The following AP4E1 variants were observed in gnomAD, a reference collection of about 807,000 sequenced individuals.
The protein encoded by AP4E1 is AP-4 complex subunit epsilon-1.
A neutral mutation model predicts 128.2 loss-of-function variants in AP4E1; 56 were observed. The observed-to-expected ratio is 0.44, with a 90% CI of 0.35 to 0.55. AP4E1 has a LOEUF of 0.55. AP4E1 is among the 20% of genes least tolerant of loss of function. The pLI is 0.00. For missense variants in AP4E1, 1,324 were observed against 1,307.7 expected, an observed-to-expected ratio of 1.01 and a Z score of -0.19; for synonymous variants, 484 against 473.1, an observed-to-expected ratio of 1.02 and a Z score of -0.30.
chr15:50,993,056 GA>G (rs1183186962), intron 16 of AP4E1, among the ~76,000 whole-genome samples: 2 of 152,110 alleles, frequency 1.3e-5, no homozygotes, highest in Middle Eastern at 3.2e-3. Flanking sequence ...GTCAGTGGAG[GA>G]AAGAAACTGA....
chr15:50,975,969 AG>A (rs2064544912), intron 15 of AP4E1, among the ~76,000 whole-genome samples: 7 of 152,084 alleles, frequency 4.6e-5, no homozygotes, highest in African/African-American at 7.2e-5. Flanking sequence ...AGAGAGAGAG[AG>A]AGAGAGAGAG....
In AP4E1 at chr15:50,915,655, A is replaced by G. The variant is rs140689116; in HGVS notation, c.346+84A>G. 3.7e-5 allele frequency: 54 copies of G among 1,468,724 alleles called. No individual in the cohort carries two copies. In the African/African-American group the frequency reaches 6.3e-4, roughly 17 times the overall value. The allele number at this position is 1,468,724 out of a possible 1,614,324, so 91.0% of individuals were successfully genotyped here. The stretch of plus-strand genomic sequence containing the variant: ...ATACAAAATGAATGATGGCATGTAT[A>G]TAGTATGTTTTTAGAATACTGTATT... On this transcript the variant is annotated intron_variant, in intron 3 of 20. Transcript: ENST00000261842.
intron 15 of AP4E1, among the ~76,000 whole-genome samples, chr15:50,978,722 T>C (rs1284766409): frequency 6.6e-6 from 1 of 152,236 alleles, no homozygotes; most frequent in Non-Finnish European, 1.5e-5. Flanking sequence ...GCATATTCAC[T>C]GAGTTGCAAG....
intron 15 of AP4E1, among the ~76,000 whole-genome samples, chr15:50,980,303 G>C (rs1414459083): frequency 1.3e-5 from 2 of 152,188 alleles, no homozygotes; most frequent in African/African-American, 4.8e-5. Context: ...CTTCATGCCT[G>C]AGGGCTTTAT....
chr15:50,958,815 C>G (rs758532187), intron 14 of AP4E1, 21 bp downstream of exon 14: 12 of 1,612,818 alleles, frequency 7.4e-6, no homozygotes, highest in Non-Finnish European at 1.0e-5. Flanking sequence ...GGTGTTCCAT[C>G]TTTTTAAAAA....
intron 8 of AP4E1, among the ~76,000 whole-genome samples, chr15:50,934,930 A>G (rs1305036585): frequency 2.0e-5 from 3 of 152,052 alleles, no homozygotes; most frequent in Admixed American, 1.3e-4. Context: ...AATTGTCTCT[A>G]TTGAAAACAC....
intron 17 of AP4E1, among the ~76,000 whole-genome samples, chr15:50,996,905 G>A (rs978375641): frequency 6.6e-6 from 1 of 152,120 alleles, no homozygotes; most frequent in Non-Finnish European, 1.5e-5. Context: ...TATTATAGAT[G>A]ACTAAAACAG....
rs181252145 is a variant in AP4E1, at chr15:50,963,926, A to G, written c.1852-4337A>G. Among the ~76,000 whole-genome samples, 15 of 152,364 alleles carry G rather than the reference A, an allele frequency of 9.8e-5. No homozygotes were observed. In the East Asian group the frequency reaches 2.7e-3, roughly 27 times the overall value. On this transcript the variant is annotated intron_variant, in intron 14 of 20. Coordinates refer to ENST00000261842, the MANE Select transcript of AP4E1 (RefSeq NM_007347.5). ...ATAAATATCTTCACTGCAGTTTTCC[A>G]GAAGAGACACTCTTATTCCTATTTA...
At position 50,936,939 on chromosome 15, in the gene AP4E1, C is replaced by CA. The variant is rs534584746; in HGVS notation, c.943+2254dup. On this transcript the variant is annotated intron_variant, in intron 8 of 20. Coordinates refer to ENST00000261842, the MANE Select transcript of AP4E1 (RefSeq NM_007347.5). ...TTTGCTACATAGCAAGACTCTGTCT[C>CA]AAAAAAAAAAAATGATTGCTTGAAC... Among the ~76,000 whole-genome samples the CA allele has an allele frequency of 5.3e-3, 761 of 144,108 alleles. 5 individuals carry two copies. The highest frequency in any genetic ancestry group is 0.016 in the African/African-American group (645 of 39,904). The allele number at this position is 144,108 out of a possible 152,430, so 94.5% of individuals were successfully genotyped here.
intron 2 of AP4E1, 49 bp downstream of exon 2, chr15:50,912,198 A>C: frequency 2.6e-6 from 3 of 1,167,414 alleles, no homozygotes; most frequent in Non-Finnish European, 3.5e-6. Flanking sequence ...AAATCTAGTC[A>C]CTGTGGACTC....
chr15:50,984,280 A>G (rs1298294479), intron 16 of AP4E1, 135 bp downstream of exon 16: 16 of 1,096,540 alleles, frequency 1.5e-5, no homozygotes, highest in East Asian at 2.5e-5. Flanking sequence ...CAAGAGGTCT[A>G]TTGTTTCAGT....
rs924447830 is a variant in AP4E1, at chr15:51,003,865, C to G, written c.*1203C>G. The G allele has an allele frequency of 8.5e-5, 13 of 152,548 alleles. No homozygotes were observed. The highest frequency in any genetic ancestry group is 2.6e-4 in the Admixed American group (4 of 15,278). The allele number at this position is 152,548 out of a possible 1,614,324, so 9.4% of individuals were successfully genotyped here. ...CAGTTAATACTCTGGTTAATTGGTA[C>G]TGTTAATCACCCAGGTCAGGAATTC... On this transcript the variant is annotated 3_prime_UTR_variant, in exon 21 of 21. Transcript: ENST00000261842.
At chr15:50,940,657 C>G (rs1273246240) in intron 8 of AP4E1, among the ~76,000 whole-genome samples, 1 of 152,126 alleles carries the variant, frequency 6.6e-6, no homozygotes, top group East Asian at 1.9e-4. Flanking sequence ...ACACATAAGA[C>G]TTAATGTCCT....
rs1174474461 is a variant in AP4E1 at position 50,930,889 on chromosome 15, T to C, written c.787T>C (p.Phe263Leu). The C allele has an allele frequency of 6.2e-7, 1 of 1,614,044 alleles. No individual in the cohort carries two copies. The highest frequency in any genetic ancestry group is 1.6e-4 in the Middle Eastern group (1 of 6,084). The change falls in exon 7 of 21, where the codon TTC becomes CTC. Residue 263 changes from phenylalanine to leucine, a missense_variant. Coordinates refer to ENST00000261842, the MANE Select transcript of AP4E1 (RefSeq NM_007347.5). ...QVVGGKLPVE[F>L]NYHSVPAPWL... Reference sequence around the variant, plus strand: ...AGTTGGAGGAAAGCTCCCAGTAGAATTCAATTACCACAGTGTGCCAGCACC... The same window carrying C: ...AGTTGGAGGAAAGCTCCCAGTAGAACTCAATTACCACAGTGTGCCAGCACC...
intron 14 of AP4E1, among the ~76,000 whole-genome samples, chr15:50,962,739 A>G (rs2064332501): frequency 6.6e-6 from 1 of 152,014 alleles, no homozygotes; most frequent in Non-Finnish European, 1.5e-5. Context: ...AAAAAAGACA[A>G]AAATGACAAA....
chr15:51,003,758 T>C lies in AP4E1; in HGVS notation c.*1096T>C, dbSNP rs2064991391. The C allele has an allele frequency of 6.5e-6, 1 of 152,676 alleles. No homozygotes were observed. The highest frequency in any genetic ancestry group is 1.5e-5 in the Non-Finnish European group (1 of 68,050). The allele number at this position is 152,676 out of a possible 1,614,324, so 9.5% of individuals were successfully genotyped here. ...AATAGTATTTTATAAAATCTTATGG[T>C]GCTGTGGAAAATATTTATTATTTCA... On this transcript the variant is annotated 3_prime_UTR_variant, in exon 21 of 21. Coordinates refer to ENST00000261842, the MANE Select transcript of AP4E1 (RefSeq NM_007347.5).
chr15:50,965,669 G>GCTAT (rs2064382271), intron 14 of AP4E1, among the ~76,000 whole-genome samples: 1 of 152,098 alleles, frequency 6.6e-6, no homozygotes, highest in Admixed American at 6.6e-5. Context: ...TCCACGTTTG[G>GCTAT]CTATCTTCTT....
rs11378934 is a variant in AP4E1, at chr15:50,927,516, G to GTTTT, written c.543-1480_543-1477dup. Among the ~76,000 whole-genome samples the GTTTT allele has an allele frequency of 5.7e-5, 8 of 140,278 alleles. 1 individual carries two copies. The highest frequency in any genetic ancestry group is 2.3e-4 in the South Asian group (1 of 4,386). The allele number at this position is 140,278 out of a possible 152,430, so 92.0% of individuals were successfully genotyped here. ...CTGTGAACTCCTGGGCCTATTCAGA[G>GTTTT]TTTTTTTTTTTTTTTTCCTCACTTC... is the stretch of plus-strand genomic sequence containing the variant. On this transcript the variant is annotated intron_variant, in intron 5 of 20. Coordinates refer to ENST00000261842, the MANE Select transcript of AP4E1 (RefSeq NM_007347.5).
chr15:50,982,853 A>T (rs76364142), intron 15 of AP4E1, among the ~76,000 whole-genome samples: 7,006 of 152,224 alleles, frequency 0.046, 527 homozygotes, highest in African/African-American at 0.16. Flanking sequence ...ATCTGAGTTC[A>T]TGTCTGGCTT....
Sources: gnomAD v4.1 joint callset for allele counts (sites outside exome capture counted in the v4.1 genomes callset) on GRCh38, gnomAD v4.1.1 for gene constraint, MANE v1.5 for transcripts, NCBI Gene and HGNC (gene_info 2026-07-23, HGNC 2026-07-21) for gene names.